SLC12A5: variants seen among roughly 807,000 people sequenced by gnomAD.
SLC12A5 encodes solute carrier family 12 member 5, also known as K-Cl cotransporter 2.
Under a neutral mutation model 124.0 loss-of-function variants are expected in SLC12A5, and 18 were observed. The ratio of observed to expected loss-of-function variants is 0.15; its 90% CI spans 0.10 to 0.22. SLC12A5 has a LOEUF of 0.22. SLC12A5 is among the 10% of genes least tolerant of loss of function. The pLI is 1.00. For missense variants in SLC12A5, 867 were observed against 1,478.7 expected, an observed-to-expected ratio of 0.59 and a Z score of 6.78; for synonymous variants, 589 against 568.0, an observed-to-expected ratio of 1.04 and a Z score of -0.53.
Position 46,059,681 on chromosome 20 carries a change from G to A in SLC12A5, c.*2076G>A. ...AACCCAAGTTTTCTGTGCTACATGTGCAATATTTGTTATGAATGTTATCAC... is the reference window on the plus strand; with the variant it reads ...AACCCAAGTTTTCTGTGCTACATGTACAATATTTGTTATGAATGTTATCAC... On this transcript the variant is annotated 3_prime_UTR_variant, in exon 26 of 26. Coordinates refer to ENST00000243964, the MANE Select transcript of SLC12A5 (RefSeq NM_020708.5). 1 of 399,002 alleles carries A rather than the reference G, an allele frequency of 2.5e-6. No homozygotes were observed. The highest frequency in any genetic ancestry group is 3.6e-5 in the East Asian group (1 of 28,090). 24.7% of individuals were successfully genotyped at this position (399,002 alleles called of 1,614,324 possible).
At chr20:46,026,486 G>A (rs1175609000), upstream of SLC12A5, among the ~76,000 whole-genome samples, 3 of 152,132 alleles carry the variant, frequency 2.0e-5, no homozygotes, top group East Asian at 5.8e-4. Context: ...CCTCACCACA[G>A]AGAGTTGGCT....
intron 17 of SLC12A5, among the ~76,000 whole-genome samples, chr20:46,050,194 T>A (rs1450979003): frequency 6.6e-6 from 1 of 152,206 alleles, no homozygotes; most frequent in Non-Finnish European, 1.5e-5. Flanking sequence ...AAGGTGAGTA[T>A]CCACATTTGA....
Position 46,059,959 on chromosome 20 carries a change from T to C in SLC12A5, c.*2354T>C, listed in dbSNP as rs941885384. ...TATTAGGCCTGCCTTTAATTTTCAG[T>C]GTAAGTGTTCAGTATGCCGCATCCT... On this transcript the variant is annotated 3_prime_UTR_variant, in exon 26 of 26. Coordinates refer to ENST00000243964, the MANE Select transcript of SLC12A5 (RefSeq NM_020708.5). 4 of 245,026 alleles carry C rather than the reference T, an allele frequency of 1.6e-5. No homozygotes were observed. Among genetic ancestry groups the C allele is most frequent in the Non-Finnish European group, 3.1e-5 (4 of 128,904 alleles). 15.2% of individuals were successfully genotyped at this position (245,026 alleles called of 1,614,324 possible).
chr20:46,056,877 A>G lies in SLC12A5; in HGVS notation c.3111-20A>G. 6.2e-7 allele frequency: 1 copy of G among 1,613,038 alleles called. No individual in the cohort carries two copies. Among genetic ancestry groups the G allele is most frequent in the Non-Finnish European group, 8.5e-7 (1 of 1,179,172 alleles). On this transcript the variant is annotated intron_variant, in intron 23 of 25. Coordinates refer to ENST00000243964, the MANE Select transcript of SLC12A5 (RefSeq NM_020708.5). This position sits in a 1 kb window ranked among gnomAD's most constrained non-coding sequence, Gnocchi z 4.3. ...CTGCTCTTTTTCTTTCTCTCTTTGC[A>G]TCTCTTGTGTTTCCTGAAGGGAGTG...
upstream of SLC12A5, among the ~76,000 whole-genome samples, chr20:46,025,085 C>G (rs2084386059): frequency 6.6e-6 from 1 of 152,130 alleles, no homozygotes; most frequent in Non-Finnish European, 1.5e-5. Flanking sequence ...CACTTCTTCC[C>G]CTCTCTGGGC....
rs1026017018 is a variant in SLC12A5, at chr20:46,049,751, C to A, written c.2142C>A (p.Thr714=). 1 of 1,602,552 alleles carries A rather than the reference C, an allele frequency of 6.2e-7. No individual in the cohort carries two copies. The highest frequency in any genetic ancestry group is 8.5e-7 in the Non-Finnish European group (1 of 1,175,230). ...LTIVGSVLEG[T]FLENHPQAQR... ...TCGTGGGCTCTGTCCTTGAGGGCAC[C>A]TTTCTGGAAAATCATCCACAGGCCC... The change falls in exon 17 of 26, where the codon ACC becomes ACA. Residue 714 remains threonine (T), a synonymous_variant. Coordinates refer to ENST00000243964, the MANE Select transcript of SLC12A5 (RefSeq NM_020708.5).
chr20:46,043,706 G>C lies in SLC12A5; in HGVS notation c.1311G>C (p.Leu437=), dbSNP rs368004703. ...AQKSIPTGTI[L]AIATTSAVYI... The stretch of plus-strand genomic sequence containing the variant: ...AGTCAATCCCCACTGGCACCATCCT[G>C]GCCATCGCCACCACCTCTGCTGTCT... Residue 437 remains leucine, a synonymous_variant, in exon 10 of 26, where the codon CTG becomes CTC. Transcript: ENST00000243964. The C allele has an allele frequency of 6.2e-7, 1 of 1,614,086 alleles. No homozygotes were observed. Among genetic ancestry groups the C allele is most frequent in the African/African-American group, 1.3e-5 (1 of 74,924 alleles).
Position 46,057,991 on chromosome 20 carries a change from C to A in SLC12A5, c.*386C>A, listed in dbSNP as rs1204169619. 1.1e-5 allele frequency: 2 copies of A among 187,960 alleles called. No homozygotes were observed. Among genetic ancestry groups the A allele is most frequent in the East Asian group, 1.4e-4 (1 of 7,002 alleles). The allele number at this position is 187,960 out of a possible 1,614,324, so 11.6% of individuals were successfully genotyped here. A position where few individuals can be genotyped will look rare whatever the true frequency, so the allele number is the denominator to read the frequency against. On this transcript the variant is annotated 3_prime_UTR_variant, in exon 26 of 26. Coordinates refer to ENST00000243964, the MANE Select transcript of SLC12A5 (RefSeq NM_020708.5). The surrounding 1 kb of genome is among the most constrained non-coding windows in gnomAD (Gnocchi z 7.1). Reference sequence around the variant, plus strand: ...CTTCCCACTCCCGCCGCGGTCCTCGCTCTGCGCTCCTCCGGCGCTGCTCCC... The same window carrying A: ...CTTCCCACTCCCGCCGCGGTCCTCGATCTGCGCTCCTCCGGCGCTGCTCCC...
intron 9 of SLC12A5, 40 bp downstream of exon 9, chr20:46,043,363 T>C: frequency 6.3e-7 from 1 of 1,598,890 alleles, no homozygotes; most frequent in South Asian, 1.1e-5. Flanking sequence ...TGCCTGTGAG[T>C]GGATGGGGAA....
At chr20:46,034,874 C>T in intron 1 of SLC12A5, 74 bp from the exon 2 acceptor site, 2 of 1,345,708 alleles carry the variant, frequency 1.5e-6, no homozygotes, top group Non-Finnish European at 2.1e-6. Flanking sequence ...GCTACTGTGG[C>T]TACACCACTG....
chr20:46,043,447 T>C, intron 9 of SLC12A5, 124 bp downstream of exon 9: 1 of 1,324,988 alleles, frequency 7.5e-7, no homozygotes, highest in Non-Finnish European at 1.1e-6. Flanking sequence ...AACATTTCAC[T>C]TCCCATTGGA....
upstream of SLC12A5, among the ~76,000 whole-genome samples, chr20:46,024,556 G>A (rs1378553132): frequency 6.6e-6 from 1 of 152,208 alleles, no homozygotes; most frequent in Non-Finnish European, 1.5e-5. Flanking sequence ...CAAAGGGAGG[G>A]ATAGCAGCAT....
At chr20:46,021,936 G>C (rs968709404) in intron 1 of SLC12A5, 215 of 1,462,256 alleles carry the variant, frequency 1.5e-4, no homozygotes, top group Non-Finnish European at 1.8e-4. Flanking sequence ...GGACGAGGGG[G>C]AGGGGCCGGG....
At chr20:46,035,627 G>A in intron 3 of SLC12A5, 92 bp downstream of exon 3, 3 of 1,505,882 alleles carry the variant, frequency 2.0e-6, no homozygotes, top group Admixed American at 2.1e-5. Context: ...ATGGAGGGAG[G>A]GAAAGGGGAT....
rs147042920 is a variant in SLC12A5, at chr20:46,037,250, T to C, written c.482-5T>C. Reference sequence around the variant, plus strand: ...CCTCTCGCTGATACCAGATTCTCCCTGCAGCTGGTGGCTCCTACTACATGA... The same window carrying C: ...CCTCTCGCTGATACCAGATTCTCCCCGCAGCTGGTGGCTCCTACTACATGA... On this transcript the variant is annotated splice_polypyrimidine_tract_variant and splice_region_variant and intron_variant, in intron 5 of 25. Coordinates refer to ENST00000243964, the MANE Select transcript of SLC12A5 (RefSeq NM_020708.5). The C allele has an allele frequency of 9.9e-3, 15,812 of 1,596,084 alleles. 112 individuals carry two copies. Among genetic ancestry groups the C allele is most frequent in the South Asian group, 0.012 (1,104 of 88,564 alleles).
upstream of SLC12A5, among the ~76,000 whole-genome samples, chr20:46,028,339 C>A (rs1242276427): frequency 6.6e-6 from 1 of 152,156 alleles, no homozygotes; most frequent in African/African-American, 2.4e-5. Context: ...GCTGCACCAT[C>A]CCTGATGGAA....
In SLC12A5 at chr20:46,035,304, G is replaced by A. The variant is rs1444517419; in HGVS notation, c.148-100G>A. 3.4e-6 allele frequency: 5 copies of A among 1,453,868 alleles called. No homozygotes were observed. The East Asian group carries it at 6.9e-5, about 20-fold the overall frequency. 90.1% of individuals were successfully genotyped at this position (1,453,868 alleles called of 1,614,324 possible). On this transcript the variant is annotated intron_variant, in intron 2 of 25. Transcript: ENST00000243964. ...TTCCCATCTCATCCCAACCTGAATA[G>A]TTTCGTGCTCCTTGTCCCCATCTCT...
Position 46,053,846 on chromosome 20 carries a change from A to C in SLC12A5, c.2679+137A>C. Reference sequence around the variant, plus strand: ...CCCCTCATCCATCTCTTAGCCTCTCACATATTCAGCCATCCCTCCCTTCTC... The same window carrying C: ...CCCCTCATCCATCTCTTAGCCTCTCCCATATTCAGCCATCCCTCCCTTCTC... On this transcript the variant is annotated intron_variant, in intron 20 of 25. Coordinates refer to ENST00000243964, the MANE Select transcript of SLC12A5 (RefSeq NM_020708.5). This position sits in a 1 kb window ranked among gnomAD's most constrained non-coding sequence, Gnocchi z 4.7. The C allele has an allele frequency of 6.9e-6, 7 of 1,016,804 alleles. No individual in the cohort carries two copies. The highest frequency in any genetic ancestry group is 9.6e-6 in the Non-Finnish European group (7 of 727,598). The allele number at this position is 1,016,804 out of a possible 1,614,324, so 63.0% of individuals were successfully genotyped here.
At position 46,053,274 on chromosome 20, in the gene SLC12A5, A is replaced by G. The variant is rs2084662208; in HGVS notation, c.2547+148A>G. ...TTCCTCCCCTGTAAACTCCTGGGAA[A>G]GGGATCTGCTGACCTACTTCATTCT... On this transcript the variant is annotated intron_variant, in intron 19 of 25. Coordinates refer to ENST00000243964, the MANE Select transcript of SLC12A5 (RefSeq NM_020708.5). This position sits in a 1 kb window ranked among gnomAD's most constrained non-coding sequence, Gnocchi z 4.7. 2.2e-6 allele frequency: 2 copies of G among 894,964 alleles called. No homozygotes were observed. Among genetic ancestry groups the G allele is most frequent in the Admixed American group, 2.8e-5 (1 of 35,836 alleles). 55.4% of individuals were successfully genotyped at this position (894,964 alleles called of 1,614,324 possible). A position where few individuals can be genotyped will look rare whatever the true frequency, so the allele number is the denominator to read the frequency against.
Sources: gnomAD v4.1 joint callset for allele counts (sites outside exome capture counted in the v4.1 genomes callset) on GRCh38, gnomAD v4.1.1 for gene constraint, Gnocchi (gnomAD v3.1) non-coding constraint, MANE v1.5 for transcripts, NCBI Gene and HGNC (gene_info 2026-07-23, HGNC 2026-07-21) for gene names.